UQCRC2: variants seen among roughly 807,000 people sequenced by gnomAD.
The protein encoded by UQCRC2 is ubiquinol-cytochrome c reductase core protein 2.
UQCRC2 carries 49 observed loss-of-function variants against 55.6 expected under a neutral mutation model. The ratio of observed to expected loss-of-function variants is 0.88; its 90% CI spans 0.70 to 1.12. The LOEUF is 1.12. Among genes scored for constraint, UQCRC2 ranks in the 50% most tolerant of loss-of-function variants. UQCRC2 has a pLI of 0.00. For synonymous variants in UQCRC2, 193 were observed against 192.0 expected, an observed-to-expected ratio of 1.01 and a Z score of -0.04; for missense variants, 506 against 547.8, an observed-to-expected ratio of 0.92 and a Z score of 0.76.
At chr16:21,960,463 G>A (rs1444791989) in intron 4 of UQCRC2, among the ~76,000 whole-genome samples, 1 of 152,196 alleles carries the variant, frequency 6.6e-6, no homozygotes, top group East Asian at 1.9e-4. Flanking sequence ...ATCCAGACCA[G>A]TAAAACTCTG....
intron 7 of UQCRC2, among the ~76,000 whole-genome samples, chr16:21,966,561 G>A (rs1047645776): frequency 2.6e-5 from 4 of 151,964 alleles, no homozygotes; most frequent in Non-Finnish European, 5.9e-5. Context: ...TTTTATTCTC[G>A]TTTTATTCTT....
intron 12 of UQCRC2, among the ~76,000 whole-genome samples, chr16:21,980,069 GGTGTATTAAAT>G (rs1034445373): frequency 1.3e-5 from 2 of 152,204 alleles, no homozygotes; most frequent in Admixed American, 6.5e-5. Context: ...CGATACGTTA[GGTGTATTAAAT>G]GCACTTTTGA....
chr16:21,960,613 C>T (rs1018888387), intron 4 of UQCRC2, among the ~76,000 whole-genome samples: 1 of 152,200 alleles, frequency 6.6e-6, no homozygotes, highest in African/African-American at 2.4e-5. Flanking sequence ...GCCTTCCTGA[C>T]TTCCTTAGAA....
Position 21,980,563 on chromosome 16 carries a change from G to A in UQCRC2, c.1141G>A (p.Gly381Arg). 3 of 1,613,990 alleles carry A rather than the reference G, an allele frequency of 1.9e-6. No homozygotes were observed. Among genetic ancestry groups the A allele is most frequent in the Non-Finnish European group, 2.5e-6 (3 of 1,179,992 alleles). Residue 381 changes from glycine to arginine, a missense_variant, in exon 13 of 14, where the codon GGA (glycine) becomes AGA (arginine). By Grantham distance (125) the Gly-to-Arg change is moderately radical. Coordinates refer to ENST00000268379, the MANE Select transcript of UQCRC2 (RefSeq NM_003366.4). ...VQAAKNKLKA[G>R]YLMSVESSEC... ...ATTGGACAGGAACAAGCTGAAAGCTGGATACCTAATGTCAGTGGAGTCTTC... is the reference window on the plus strand; with the variant it reads ...ATTGGACAGGAACAAGCTGAAAGCTAGATACCTAATGTCAGTGGAGTCTTC...
intron 8 of UQCRC2, among the ~76,000 whole-genome samples, chr16:21,970,059 C>A (rs761750766): frequency 4.6e-5 from 7 of 152,018 alleles, no homozygotes; most frequent in Non-Finnish European, 1.0e-4. Flanking sequence ...TAAATGGAGT[C>A]ATACGATATG....
intron 8 of UQCRC2, among the ~76,000 whole-genome samples, chr16:21,970,939 T>A (rs1427074411): frequency 6.6e-6 from 1 of 152,076 alleles, no homozygotes. Context: ...TTTTTTTTTT[T>A]AATTGTTGAG....
intron 3 of UQCRC2, 147 bp downstream of exon 3, chr16:21,957,713 A>C (rs1247434694): frequency 8.2e-7 from 1 of 1,214,810 alleles, no homozygotes; most frequent in East Asian, 2.4e-5. Flanking sequence ...AAACCAAATA[A>C]GTTTATCCTG....
chr16:21,980,620 G>C lies in UQCRC2; in HGVS notation c.1198G>C (p.Ala400Pro), dbSNP rs1271304330. Residue 400 changes from alanine to proline, a missense_variant, in exon 13 of 14, where the codon GCT becomes CCT. Ala to Pro is a conservative substitution (Grantham distance 27). Coordinates refer to ENST00000268379, the MANE Select transcript of UQCRC2 (RefSeq NM_003366.4). ...TTTCCTGGAAGAAGTCGGGTCCCAG[G>C]CTCTAGTTGCTGGTTCTTACATGCC... ...ECFLEEVGSQ[A>P]LVAGSYMPPS... 1 of 1,614,014 alleles carries C rather than the reference G, an allele frequency of 6.2e-7. No homozygotes were observed. Among genetic ancestry groups the C allele is most frequent in the East Asian group, 2.2e-5 (1 of 44,898 alleles).
At chr16:21,969,272 G>A (rs1474405161) in intron 8 of UQCRC2, among the ~76,000 whole-genome samples, 2 of 152,170 alleles carry the variant, frequency 1.3e-5, no homozygotes, top group Non-Finnish European at 2.9e-5. Flanking sequence ...GGTGGCTCAT[G>A]CCTGTAATCC....
intron 8 of UQCRC2, among the ~76,000 whole-genome samples, chr16:21,969,528 T>A (rs1461796919): frequency 1.3e-5 from 2 of 152,090 alleles, no homozygotes; most frequent in Non-Finnish European, 2.9e-5. Flanking sequence ...TGAGACTCTG[T>A]CTCAAAAAAA....
intron 1 of UQCRC2, among the ~76,000 whole-genome samples, chr16:21,955,527 G>C (rs1186614664): frequency 1.3e-5 from 2 of 152,254 alleles, no homozygotes; most frequent in African/African-American, 2.4e-5. Flanking sequence ...TAATCAGAAT[G>C]ATTTGTATGG....
intron 11 of UQCRC2, among the ~76,000 whole-genome samples, chr16:21,975,107 A>G (rs895153526): frequency 2.0e-5 from 3 of 152,178 alleles, no homozygotes; most frequent in Admixed American, 1.3e-4. Flanking sequence ...AGAGAAATGG[A>G]GGAGGTAGGT....
At chr16:21,957,136 C>T (rs778053684) in intron 1 of UQCRC2, 99 bp from the exon 2 acceptor site, 38 of 1,171,154 alleles carry the variant, frequency 3.2e-5, no homozygotes, top group African/African-American at 1.2e-4. Flanking sequence ...CTTCCACCCC[C>T]GAACACCCTC....
chr16:21,972,876 C>A (rs375620521), intron 10 of UQCRC2, among the ~76,000 whole-genome samples: 8 of 152,112 alleles, frequency 5.3e-5, no homozygotes, highest in African/African-American at 1.9e-4. Flanking sequence ...CCAAGTTGGG[C>A]GGATCACAAG....
rs757464251 is a variant in UQCRC2, at chr16:21,957,548, G to A, written c.249G>A (p.Leu83=). 15 of 1,614,118 alleles carry A rather than the reference G, an allele frequency of 9.3e-6. No homozygotes were observed. The highest frequency in any genetic ancestry group is 2.2e-5 in the East Asian group (1 of 44,884). The change falls in exon 3 of 14, where the codon CTG becomes CTA. Residue 83 remains leucine, a synonymous_variant. Transcript: ENST00000268379. ...GCAATTTAGGAACCACCCATTTGCT[G>A]CGTCTTACATCCAGTCTGGTGAGTA... ...DFSNLGTTHL[L]RLTSSLTTKG...
chr16:21,956,350 C>G (rs1898086393), intron 1 of UQCRC2, among the ~76,000 whole-genome samples: 1 of 152,024 alleles, frequency 6.6e-6, no homozygotes. Context: ...TTGAGACCAG[C>G]CTGAGCTATG....
At chr16:21,967,955 C>T (rs747111196) in intron 7 of UQCRC2, among the ~76,000 whole-genome samples, 12 of 150,920 alleles carry the variant, frequency 8.0e-5, no homozygotes, top group Non-Finnish European at 1.3e-4. Flanking sequence ...TCATAGTCCA[C>T]GTTTTCAAGT....
chr16:21,968,947 A>C (rs954851729), intron 8 of UQCRC2, among the ~76,000 whole-genome samples: 1 of 152,236 alleles, frequency 6.6e-6, no homozygotes, highest in East Asian at 1.9e-4. Flanking sequence ...CTCAAAGCAA[A>C]GAGCTTTTAC....
intron 6 of UQCRC2, 81 bp from the exon 7 acceptor site, chr16:21,965,327 G>T: frequency 7.4e-7 from 1 of 1,349,370 alleles, no homozygotes; most frequent in Admixed American, 1.8e-5. Context: ...AATTTGTATA[G>T]GCTTGTTGCT....
Sources: allele counts gnomAD v4.1 joint callset (sites outside exome capture counted in the v4.1 genomes callset), GRCh38; gene constraint gnomAD v4.1.1; transcripts MANE v1.5; gene names NCBI Gene and HGNC (gene_info 2026-07-23, HGNC 2026-07-21).